NEDD4L: variants seen among roughly 807,000 people sequenced by gnomAD.
NEDD4L encodes the protein E3 ubiquitin-protein ligase NEDD4-like.
NEDD4L carries 54 observed loss-of-function variants against 148.9 expected under a neutral mutation model. The ratio of observed to expected loss-of-function variants is 0.36; its 90% confidence interval spans 0.29 to 0.45. NEDD4L has a LOEUF of 0.45. NEDD4L is among the 20% of genes least tolerant of loss of function. The probability of loss-of-function intolerance (pLI) is 1.00; values close to 1 mark genes in which losing one functional copy is unlikely to be tolerated. For synonymous variants in NEDD4L, 433 were observed against 440.7 expected, an observed-to-expected ratio of 0.98 and a Z score of 0.22; for missense variants, 856 against 1,233.8, an observed-to-expected ratio of 0.69 and a Z score of 4.59.
At chr18:58,052,617 A>G (rs4257288) in intron 1 of NEDD4L, among the ~76,000 whole-genome samples, 137,021 of 151,718 alleles carry the variant, frequency 0.9, 61,961 homozygotes, top group East Asian at 1. Context: ...TATTCACCAA[A>G]AGAAAAGGGC....
chr18:58,242,058 T>G (rs1264860545), intron 2 of NEDD4L, among the ~76,000 whole-genome samples: 1 of 150,244 alleles, frequency 6.7e-6, no homozygotes, highest in Non-Finnish European at 1.5e-5. Context: ...CCCAGTTTGA[T>G]CATCTCTACC....
At chr18:58,152,776 C>T (rs1010358611) in intron 1 of NEDD4L, among the ~76,000 whole-genome samples, 1 of 152,184 alleles carries the variant, frequency 6.6e-6, no homozygotes, top group Non-Finnish European at 1.5e-5. Context: ...ACTCTTCTAC[C>T]TACCAAGACT....
At chr18:58,235,146 G>A (rs1371964776) in intron 2 of NEDD4L, among the ~76,000 whole-genome samples, 1 of 151,936 alleles carries the variant, frequency 6.6e-6, no homozygotes, top group Non-Finnish European at 1.5e-5. Flanking sequence ...TGGCAAAGAG[G>A]TTGATGCTTA....
intron 1 of NEDD4L, among the ~76,000 whole-genome samples, chr18:58,163,933 GC>G (rs1216258238): frequency 6.6e-6 from 1 of 151,880 alleles, no homozygotes; most frequent in Non-Finnish European, 1.5e-5. Context: ...AGGTTTTCTT[GC>G]CCTCACCTAG....
chr18:58,127,840 C>CAAA (rs113559692), intron 1 of NEDD4L, among the ~76,000 whole-genome samples: 1,153 of 113,906 alleles, frequency 0.01, 18 homozygotes, highest in African/African-American at 0.018. Context: ...GACTCCGTCT[C>CAAA]AAAAAAAAAA....
intron 1 of NEDD4L, among the ~76,000 whole-genome samples, chr18:58,133,530 T>G (rs983509274): frequency 6.6e-6 from 1 of 152,250 alleles, no homozygotes; most frequent in African/African-American, 2.4e-5. Context: ...TTAATGAGTT[T>G]GTGGGTTTTT....
intron 2 of NEDD4L, among the ~76,000 whole-genome samples, chr18:58,221,086 GT>G (rs889412778): frequency 1.3e-5 from 2 of 152,208 alleles, no homozygotes; most frequent in East Asian, 3.9e-4. Context: ...TTTTGTTCCT[GT>G]TTTTTTCCCC....
Position 58,398,159 on chromosome 18 carries a change from A to AAAAAAC in NEDD4L, c.*1895_*1896insCAAAAA, listed in dbSNP as rs2050615553. On this transcript the variant is annotated 3_prime_UTR_variant, in exon 31 of 31. Coordinates refer to ENST00000400345, the MANE Select transcript of NEDD4L (RefSeq NM_001144967.3). The stretch of plus-strand genomic sequence containing the variant: ...AGAAAACTTAGATGCTATGTAACTA[A>AAAAAAC]AAAAAAAAAAAAAAAAAAAAAAAAA... 1.6e-5 allele frequency: 1 copy of AAAAAAC among 62,572 alleles called. No homozygotes were observed. Among genetic ancestry groups the AAAAAAC allele is most frequent in the African/African-American group, 7.8e-5 (1 of 12,808 alleles). The allele number at this position is 62,572 out of a possible 1,614,324, so 3.9% of individuals were successfully genotyped here. A position where few individuals can be genotyped will look rare whatever the true frequency, so the allele number is the denominator to read the frequency against.
intron 18 of NEDD4L, among the ~76,000 whole-genome samples, chr18:58,353,440 A>G (rs1004306663): frequency 6.6e-6 from 1 of 152,266 alleles, no homozygotes; most frequent in African/African-American, 2.4e-5. Flanking sequence ...GAGATATAGC[A>G]TAAATTAAGT....
chr18:58,361,922 G>A (rs2045538968), intron 19 of NEDD4L, among the ~76,000 whole-genome samples: 8 of 151,974 alleles, frequency 5.3e-5, no homozygotes, highest in Admixed American at 3.9e-4. Flanking sequence ...CTCTTCAGAA[G>A]CTGCACTGGA....
At chr18:58,292,912 T>C (rs1023582917) in intron 5 of NEDD4L, among the ~76,000 whole-genome samples, 6 of 152,182 alleles carry the variant, frequency 3.9e-5, no homozygotes, top group African/African-American at 1.2e-4. Context: ...CCATAAAATG[T>C]TTATAAGGCA....
chr18:58,082,079 A>AATATATAT (rs72331379), intron 1 of NEDD4L, among the ~76,000 whole-genome samples: 28 of 89,938 alleles, frequency 3.1e-4, no homozygotes, highest in Admixed American at 5.7e-4. Context: ...CTTTCTGATG[A>AATATATAT]ATATATATAT....
chr18:58,135,286 G>A (rs1021930982), intron 1 of NEDD4L, among the ~76,000 whole-genome samples: 6 of 152,228 alleles, frequency 3.9e-5, no homozygotes, highest in African/African-American at 1.2e-4. Context: ...GGACGATGAT[G>A]TGGCAAATTG....
intron 13 of NEDD4L, 75 bp from the exon 14 acceptor site, chr18:58,340,960 TGGG>T (rs2042340476): frequency 1.4e-6 from 2 of 1,392,100 alleles, no homozygotes; most frequent in South Asian, 2.8e-5. Flanking sequence ...AATAATTATC[TGGG>T]TGTACCTTAC....
chr18:58,051,401 A>G (rs1227554202), intron 1 of NEDD4L, among the ~76,000 whole-genome samples: 1 of 152,206 alleles, frequency 6.6e-6, no homozygotes, highest in East Asian at 1.9e-4. Flanking sequence ...AATATTAAGA[A>G]TGATTGAGTG....
intron 2 of NEDD4L, among the ~76,000 whole-genome samples, chr18:58,199,915 G>A (rs2041203428): frequency 6.6e-6 from 1 of 152,192 alleles, no homozygotes; most frequent in South Asian, 2.1e-4. Flanking sequence ...GACATGTCCT[G>A]AACCAATGTA....
chr18:58,142,204 G>A (rs1013898470), intron 1 of NEDD4L, among the ~76,000 whole-genome samples: 5 of 86,476 alleles, frequency 5.8e-5, no homozygotes, highest in African/African-American at 8.1e-5. Context: ...CCGCCACCAC[G>A]CCCGGCTAAT....
At chr18:58,284,486 C>G (rs1162043515) in intron 5 of NEDD4L, among the ~76,000 whole-genome samples, 1 of 152,068 alleles carries the variant, frequency 6.6e-6, no homozygotes, top group Admixed American at 6.6e-5. Flanking sequence ...AGGTGGTTAT[C>G]AAGATACAGT....
intron 1 of NEDD4L, among the ~76,000 whole-genome samples, chr18:58,104,096 G>A (rs2084927932): frequency 1.3e-5 from 2 of 152,226 alleles, no homozygotes; most frequent in Non-Finnish European, 1.5e-5. Context: ...TTAAAAAACA[G>A]ATTGTGATAT....
Sources: allele counts gnomAD v4.1 joint callset (sites outside exome capture counted in the v4.1 genomes callset), GRCh38; gene constraint gnomAD v4.1.1; transcripts MANE v1.5; gene names NCBI Gene and HGNC (gene_info 2026-07-23, HGNC 2026-07-21).